AUTS2: variants seen among roughly 807,000 people sequenced by gnomAD.
AUTS2 encodes activator of transcription and developmental regulator AUTS2.
Under a neutral mutation model 112.4 loss-of-function variants are expected in AUTS2, and 17 were observed. The ratio of observed to expected loss-of-function variants is 0.15; its 90% CI spans 0.10 to 0.23. AUTS2 has a LOEUF of 0.23. Ranked by LOEUF, AUTS2 falls within the 10% of genes least tolerant of loss-of-function variation. AUTS2 has a pLI of 1.00. For missense variants in AUTS2, 1,510 were observed against 1,701.6 expected, an observed-to-expected ratio of 0.89 and a Z score of 1.98; for synonymous variants, 751 against 702.7, an observed-to-expected ratio of 1.07 and a Z score of -1.09.
intron 1 of AUTS2, among the ~76,000 whole-genome samples, chr7:69,788,636 A>G (rs1789480294): frequency 6.6e-6 from 1 of 152,190 alleles, no homozygotes; most frequent in African/African-American, 2.4e-5. Flanking sequence ...CAGCTCTTCA[A>G]GAACAGAAGC....
chr7:69,857,178 C>G lies in AUTS2; in HGVS notation c.310-42108C>G, dbSNP rs929056725. Among the ~76,000 whole-genome samples the G allele has an allele frequency of 2.6e-5, 4 of 152,304 alleles. No homozygotes were observed. The East Asian group carries it at 7.7e-4, about 29-fold the overall frequency. On this transcript the variant is annotated intron_variant, in intron 1 of 18. Coordinates refer to ENST00000342771, the MANE Select transcript of AUTS2 (RefSeq NM_015570.4). ...ATTCACACATACACTTAGAGGGCTCCTCGTCTGCTCCCCCTAGCTAAGCAG... is the reference window on the plus strand; with the variant it reads ...ATTCACACATACACTTAGAGGGCTCGTCGTCTGCTCCCCCTAGCTAAGCAG...
chr7:69,953,011 A>G (rs1223427360), intron 2 of AUTS2, among the ~76,000 whole-genome samples: 1 of 152,114 alleles, frequency 6.6e-6, no homozygotes, highest in Non-Finnish European at 1.5e-5. Flanking sequence ...TGTAGCCATG[A>G]CATTTGAGGA....
chr7:70,399,873 A>G (rs898943522), intron 4 of AUTS2, among the ~76,000 whole-genome samples: 4 of 152,186 alleles, frequency 2.6e-5, no homozygotes, highest in Non-Finnish European at 5.9e-5. Flanking sequence ...GAGAATAGCC[A>G]ACTAGACTCA....
intron 4 of AUTS2, among the ~76,000 whole-genome samples, chr7:70,245,144 G>GTGTATATATATATATATA (rs1233136341): frequency 3.7e-5 from 4 of 108,964 alleles, no homozygotes; most frequent in African/African-American, 1.7e-4. Flanking sequence ...GTGTGTGTGT[G>GTGTATATATATATATATA]TATATATATA....
intron 1 of AUTS2, among the ~76,000 whole-genome samples, chr7:69,614,664 G>T (rs1024243428): frequency 6.6e-6 from 1 of 151,698 alleles, no homozygotes; most frequent in African/African-American, 2.4e-5. Flanking sequence ...TTTTTGGAGG[G>T]GTAGAAATGG....
At chr7:69,907,356 T>C (rs910644341) in intron 2 of AUTS2, among the ~76,000 whole-genome samples, 1 of 152,244 alleles carries the variant, frequency 6.6e-6, no homozygotes, top group African/African-American at 2.4e-5. Flanking sequence ...TGGTTATTTG[T>C]TCTCTTGAAC....
chr7:69,662,177 CT>C lies in AUTS2; in HGVS notation c.309+62230del, dbSNP rs548089445. On this transcript the variant is annotated intron_variant, in intron 1 of 18. Transcript: ENST00000342771. ...TAATAAGAATCATAGGTATTCAGAGCTTTTTTTTTTTTTTTAATTAACAGTT... is the reference window on the plus strand; with the variant it reads ...TAATAAGAATCATAGGTATTCAGAGCTTTTTTTTTTTTTTAATTAACAGTT... Among the ~76,000 whole-genome samples, 1,227 of 139,560 alleles carry C rather than the reference CT, an allele frequency of 8.8e-3. 3 individuals carry two copies. Among genetic ancestry groups the C allele is most frequent in the South Asian group, 0.026 (112 of 4,328 alleles). 91.6% of individuals were successfully genotyped at this position (139,560 alleles called of 152,430 possible). A position where few individuals can be genotyped will look rare whatever the true frequency, so the allele number is the denominator to read the frequency against.
intron 2 of AUTS2, among the ~76,000 whole-genome samples, chr7:69,915,750 G>A (rs758331013): frequency 6.6e-6 from 1 of 152,042 alleles, no homozygotes; most frequent in African/African-American, 2.4e-5. Context: ...TTATTGAGAC[G>A]GAGTCTCACT....
At chr7:69,821,991 T>C (rs1320176030) in intron 1 of AUTS2, among the ~76,000 whole-genome samples, 10 of 151,986 alleles carry the variant, frequency 6.6e-5, no homozygotes, top group Non-Finnish European at 1.2e-4. Context: ...CTGAAGGTTA[T>C]TGAGCAGGGA....
At chr7:70,387,004 T>C (rs954581819) in intron 4 of AUTS2, among the ~76,000 whole-genome samples, 1 of 152,166 alleles carries the variant, frequency 6.6e-6, no homozygotes, top group East Asian at 1.9e-4. Flanking sequence ...TTTTATTCTC[T>C]TTCTCCTGTT....
intron 16 of AUTS2, 29 bp from the exon 17 acceptor site, chr7:70,785,926 C>G (rs746882294): frequency 1.2e-6 from 2 of 1,609,574 alleles, no homozygotes; most frequent in Non-Finnish European, 8.5e-7. Context: ...AGCCCCTGAC[C>G]ATTTCCTTCT....
At chr7:69,649,192 G>T (rs1795176233) in intron 1 of AUTS2, among the ~76,000 whole-genome samples, 1 of 152,120 alleles carries the variant, frequency 6.6e-6, no homozygotes, top group African/African-American at 2.4e-5. Flanking sequence ...TAGATACCTT[G>T]GACCTCTCTG....
intron 4 of AUTS2, among the ~76,000 whole-genome samples, chr7:70,358,962 A>G (rs1001242443): frequency 3.3e-5 from 5 of 152,246 alleles, no homozygotes; most frequent in African/African-American, 1.2e-4. Context: ...CTTTAGATTC[A>G]ATACTGGAAA....
chr7:70,125,245 ATGTGTGTG>A (rs59747508), intron 3 of AUTS2, among the ~76,000 whole-genome samples: 13,965 of 144,852 alleles, frequency 0.096, 728 homozygotes, highest in Middle Eastern at 0.15. Flanking sequence ...TTATTTGGAG[ATGTGTGTG>A]TGTGTGTGTG....
At chr7:69,945,596 C>A (rs1239735967) in intron 2 of AUTS2, among the ~76,000 whole-genome samples, 1 of 151,906 alleles carries the variant, frequency 6.6e-6, no homozygotes, top group East Asian at 1.9e-4. Flanking sequence ...TGCATAGTTA[C>A]CATTTTTTGT....
chr7:69,895,970 A>C (rs1562955928), intron 1 of AUTS2, among the ~76,000 whole-genome samples: 1 of 152,216 alleles, frequency 6.6e-6, no homozygotes, highest in Admixed American at 6.5e-5. Flanking sequence ...AAGGAGCTTT[A>C]TACCCTGTGG....
chr7:70,394,153 A>AT, intron 4 of AUTS2, among the ~76,000 whole-genome samples: 1 of 152,310 alleles, frequency 6.6e-6, no homozygotes, highest in East Asian at 1.9e-4. Context: ...TTGTGTTCAT[A>AT]TGCTATCAAT....
At position 70,012,402 on chromosome 7, in the gene AUTS2, A is replaced by G. The variant is rs138884245; in HGVS notation, c.523-105730A>G. On this transcript the variant is annotated intron_variant, in intron 2 of 18. Coordinates refer to ENST00000342771, the MANE Select transcript of AUTS2 (RefSeq NM_015570.4). ...TGTTAAACCTAGACATGAGTTTGAC[A>G]TCTATTTTGTGAAACAAACCATGTA... is the stretch of plus-strand genomic sequence containing the variant. Among the ~76,000 whole-genome samples the G allele has an allele frequency of 2.0e-4, 30 of 152,330 alleles. No homozygotes were observed. In the East Asian group the frequency reaches 5.8e-3, roughly 29 times the overall value.
intron 1 of AUTS2, among the ~76,000 whole-genome samples, chr7:69,847,078 T>C (rs553639812): frequency 6.6e-6 from 1 of 152,206 alleles, no homozygotes; most frequent in Non-Finnish European, 1.5e-5. Context: ...CTTACTTTCC[T>C]TAATTTTTCC....
Sources: allele counts gnomAD v4.1 joint callset (sites outside exome capture counted in the v4.1 genomes callset), GRCh38; gene constraint gnomAD v4.1.1; transcripts MANE v1.5; gene names NCBI Gene and HGNC (gene_info 2026-07-23, HGNC 2026-07-21).